NEBL: variants seen among roughly 807,000 people sequenced by gnomAD.
NEBL encodes nebulette, also known as LIM and SH3 protein 2.
Under a neutral mutation model 140.2 loss-of-function variants are expected in NEBL, and 122 were observed. That is an observed-to-expected ratio of 0.87 (90% confidence interval 0.75 to 1.01). NEBL has a LOEUF of 1.01. NEBL is among the 50% of genes least tolerant of loss of function. The pLI is 0.00. For missense variants in NEBL, 1,365 were observed against 1,231.3 expected (o/e 1.11, Z -1.62); for synonymous variants, 436 against 398.9 (o/e 1.09, Z -1.11).
intron 2 of NEBL, among the ~76,000 whole-genome samples, chr10:21,131,204 T>C (rs1212914861): frequency 6.6e-6 from 1 of 152,140 alleles, no homozygotes; most frequent in Non-Finnish European, 1.5e-5. Context: ...AAATAGACAA[T>C]CTGAAGAAGC....
intron 19 of NEBL, among the ~76,000 whole-genome samples, chr10:20,821,489 C>T (rs1839308923): frequency 6.6e-6 from 1 of 152,034 alleles, no homozygotes; most frequent in Non-Finnish European, 1.5e-5. Flanking sequence ...TATGTCATAC[C>T]AGATAAATAC....
intron 3 of NEBL, among the ~76,000 whole-genome samples, chr10:21,221,151 C>T (rs1842060520): frequency 6.6e-6 from 1 of 151,924 alleles, no homozygotes; most frequent in South Asian, 2.1e-4. Context: ...GAGACTCTAC[C>T]TCAAAAAACA....
intron 2 of NEBL, among the ~76,000 whole-genome samples, chr10:21,050,774 G>T (rs1834743925): frequency 6.6e-6 from 1 of 152,164 alleles, no homozygotes. Context: ...GACATTCTAG[G>T]TTCTAGAGTG....
chr10:21,101,943 T>C (rs1837497953), intron 2 of NEBL, among the ~76,000 whole-genome samples: 1 of 152,244 alleles, frequency 6.6e-6, no homozygotes, highest in Non-Finnish European at 1.5e-5. Flanking sequence ...GTACAAAGCA[T>C]TGTCCAAGAC....
At chr10:21,284,872 T>C (rs1843036149) in intron 1 of NEBL, among the ~76,000 whole-genome samples, 2 of 152,166 alleles carry the variant, frequency 1.3e-5, no homozygotes, top group South Asian at 2.1e-4. Context: ...TTTTACATCC[T>C]GTTTTTGTGA....
At chr10:21,171,031 C>A (rs1383875629) in intron 2 of NEBL, among the ~76,000 whole-genome samples, 2 of 152,146 alleles carry the variant, frequency 1.3e-5, no homozygotes, top group African/African-American at 4.8e-5. Flanking sequence ...CACAGGGGAA[C>A]TGGTGAGAAA....
At chr10:20,943,585 A>G (rs1339671891) in intron 4 of NEBL, among the ~76,000 whole-genome samples, 1 of 152,176 alleles carries the variant, frequency 6.6e-6, no homozygotes, top group Non-Finnish European at 1.5e-5. Context: ...AAGTTAAAGT[A>G]TAATAATAAA....
At chr10:21,239,236 T>C (rs535023417) in intron 3 of NEBL, among the ~76,000 whole-genome samples, 93 of 152,174 alleles carry the variant, frequency 6.1e-4, no homozygotes, top group African/African-American at 2.1e-3. Flanking sequence ...GTGGCAAACA[T>C]AGTGCATTTT....
chr10:21,080,467 A>G (rs888380006), intron 2 of NEBL, among the ~76,000 whole-genome samples: 5 of 152,240 alleles, frequency 3.3e-5, no homozygotes, highest in Non-Finnish European at 7.3e-5. Flanking sequence ...AATCAAAGAC[A>G]AGATTCATTC....
intron 3 of NEBL, among the ~76,000 whole-genome samples, chr10:21,006,054 G>A (rs1173573218): frequency 6.6e-6 from 1 of 152,004 alleles, no homozygotes; most frequent in African/African-American, 2.4e-5. Context: ...CTACATCTGT[G>A]TTTCTCACTG....
At chr10:21,126,784 C>T (rs1838856111) in intron 2 of NEBL, among the ~76,000 whole-genome samples, 1 of 151,726 alleles carries the variant, frequency 6.6e-6, no homozygotes, top group Non-Finnish European at 1.5e-5. Flanking sequence ...ACCACCCTGA[C>T]CAACATGCTG....
intron 3 of NEBL, among the ~76,000 whole-genome samples, chr10:20,981,828 T>C (rs1375952878): frequency 2.6e-5 from 4 of 152,130 alleles, no homozygotes; most frequent in African/African-American, 7.2e-5. Flanking sequence ...AATTGAGAGA[T>C]AGAAATAAAC....
rs923695601 is a variant in NEBL at position 21,084,671 on chromosome 10, T to G, written c.165-64470A>C. 2.7e-5 allele frequency among the ~76,000 whole-genome samples: 4 copies of G among 149,584 alleles called. No homozygotes were observed. In the East Asian group the frequency reaches 7.9e-4, roughly 30 times the overall value. ...TTGAGGGAAATAAAACTAAAGAGAG[T>G]AGAAGAGTTCAACCAGAAATTAGAA... On this transcript the variant is annotated intron_variant, in intron 2 of 6. Coordinates refer to the NEBL transcript ENST00000417816.
At chr10:20,912,123 T>A (rs529422946) in intron 4 of NEBL, among the ~76,000 whole-genome samples, 16 of 152,346 alleles carry the variant, frequency 1.1e-4, no homozygotes, top group African/African-American at 3.8e-4. Flanking sequence ...AATATGAATG[T>A]AAATGTAAAA....
intron 2 of NEBL, among the ~76,000 whole-genome samples, chr10:21,087,820 T>G (rs1322505929): frequency 1.3e-5 from 2 of 152,146 alleles, no homozygotes; most frequent in Non-Finnish European, 2.9e-5. Context: ...CCATAATCCA[T>G]CCTTAAAAGA....
intron 2 of NEBL, among the ~76,000 whole-genome samples, chr10:21,032,314 T>G (rs1308195990): frequency 6.6e-6 from 1 of 152,182 alleles, no homozygotes; most frequent in Non-Finnish European, 1.5e-5. Context: ...AAGTAAAAAT[T>G]TGGTAGTGTA....
chr10:21,059,311 T>C (rs1044814450), intron 2 of NEBL, among the ~76,000 whole-genome samples: 1 of 152,252 alleles, frequency 6.6e-6, no homozygotes, highest in Admixed American at 6.5e-5. Flanking sequence ...ACTCTATCTG[T>C]TGGATGCTGA....
At position 21,120,399 on chromosome 10, in the gene NEBL, T is replaced by A. The variant is rs1262648748; in HGVS notation, c.164+51984A>T. On this transcript the variant is annotated intron_variant, in intron 2 of 6. Coordinates refer to the NEBL transcript ENST00000417816. ...CAAAAAAAAAAAAAAAATACATATATATATATATATATATATATATATATA... is the reference window on the plus strand; with the variant it reads ...CAAAAAAAAAAAAAAAATACATATAAATATATATATATATATATATATATA... Among the ~76,000 whole-genome samples the A allele has an allele frequency of 9.6e-4, 111 of 115,638 alleles. 2 individuals are homozygous for A. Among genetic ancestry groups the A allele is most frequent in the African/African-American group, 4.1e-3 (99 of 24,054 alleles). 75.9% of individuals were successfully genotyped at this position (115,638 alleles called of 152,430 possible).
At chr10:20,908,708 ACT>A (rs1564437755) in intron 4 of NEBL, among the ~76,000 whole-genome samples, 1 of 152,124 alleles carries the variant, frequency 6.6e-6, no homozygotes. Context: ...AGATGAACAC[ACT>A]CTGCTCTGGT....
Sources: gnomAD v4.1 joint callset for allele counts (sites outside exome capture counted in the v4.1 genomes callset) on GRCh38, gnomAD v4.1.1 for gene constraint, MANE v1.5 for transcripts, NCBI Gene and HGNC (gene_info 2026-07-23, HGNC 2026-07-21) for gene names.